The following KIF17 variants were observed in gnomAD, a reference collection of about 807,000 sequenced individuals.
KIF17 encodes the protein kinesin-like protein KIF17.
In KIF17, 80 loss-of-function variants were observed where a neutral mutation model predicts 96.8. That is an observed-to-expected ratio of 0.83 (90% CI 0.69 to 1.00). The LOEUF (loss-of-function observed/expected upper bound fraction) is 1.00. KIF17 is among the 50% of genes least tolerant of loss of function. The pLI is 0.00. For missense variants in KIF17, 1,280 were observed against 1,372.9 expected (o/e 0.93, Z 1.07); for synonymous variants, 567 against 587.5 (o/e 0.97, Z 0.51).
At chr1:20,683,112 C>T (rs183526115) in intron 10 of KIF17, among the ~76,000 whole-genome samples, 24 of 152,286 alleles carry the variant, frequency 1.6e-4, no homozygotes, top group African/African-American at 2.2e-4. Context: ...CAGGTCAGGG[C>T]GGGAATCTTC....
At chr1:20,666,679 T>G (rs1271864092) in intron 13 of KIF17, among the ~76,000 whole-genome samples, 1 of 152,214 alleles carries the variant, frequency 6.6e-6, no homozygotes, top group Non-Finnish European at 1.5e-5. Context: ...GCCCCAAATC[T>G]ATCACGACAT....
chr1:20,670,931 A>G (rs986362034), intron 12 of KIF17, among the ~76,000 whole-genome samples: 2 of 152,184 alleles, frequency 1.3e-5, no homozygotes, highest in Admixed American at 6.5e-5. Flanking sequence ...AAAGAGCCAC[A>G]GCATGTCTGG....
At chr1:20,712,845 TAG>T (rs1557607016) in intron 3 of KIF17, among the ~76,000 whole-genome samples, 29 of 15,848 alleles carry the variant, frequency 1.8e-3, no homozygotes, top group African/African-American at 4.7e-3. Flanking sequence ...ATTATAGATA[TAG>T]ATAATATTAT....
intron 3 of KIF17, among the ~76,000 whole-genome samples, chr1:20,710,997 C>A (rs1036898485): frequency 6.6e-6 from 1 of 151,988 alleles, no homozygotes; most frequent in South Asian, 2.1e-4. Flanking sequence ...TCGGCCCAGG[C>A]GGCAGCTGTG....
intron 2 of KIF17, among the ~76,000 whole-genome samples, chr1:20,714,733 G>T (rs190866629): frequency 6.8e-6 from 1 of 147,628 alleles, no homozygotes; most frequent in Non-Finnish European, 1.5e-5. Context: ...GGAGGCAGAG[G>T]TTGCAGTGAG....
intron 13 of KIF17, among the ~76,000 whole-genome samples, chr1:20,669,468 A>G (rs1332963289): frequency 2.6e-5 from 4 of 151,190 alleles, no homozygotes; most frequent in Admixed American, 6.6e-5. Flanking sequence ...CCTGGGAGGC[A>G]GAGCTTTCAG....
At chr1:20,698,124 G>A (rs568254563) in intron 6 of KIF17, among the ~76,000 whole-genome samples, 19 of 152,298 alleles carry the variant, frequency 1.2e-4, no homozygotes, top group African/African-American at 4.6e-4. Flanking sequence ...ACACCCCTCT[G>A]TTCTCACCAC....
At chr1:20,712,615 T>A (rs1300234969) in intron 3 of KIF17, among the ~76,000 whole-genome samples, 1 of 30,520 alleles carries the variant, frequency 3.3e-5, no homozygotes, top group African/African-American at 9.1e-5. Flanking sequence ...TATATATATA[T>A]AATATAGATA....
chr1:20,690,115 T>G (rs2154536268), intron 7 of KIF17, 73 bp downstream of exon 7: 1 of 1,526,792 alleles, frequency 6.5e-7, no homozygotes, highest in African/African-American at 1.4e-5. Context: ...TGCTCTGTGA[T>G]GCAGTTACTG....
chr1:20,703,460 GT>G (rs2154537130), intron 5 of KIF17, among the ~76,000 whole-genome samples: 1 of 149,562 alleles, frequency 6.7e-6, no homozygotes, highest in African/African-American at 2.5e-5. Context: ...GGAGAGATGG[GT>G]AGATGGGAGG....
chr1:20,688,308 C>G (rs2053977689), intron 7 of KIF17, among the ~76,000 whole-genome samples: 1 of 152,154 alleles, frequency 6.6e-6, no homozygotes, highest in Admixed American at 6.5e-5. Context: ...CTCGGCCTCC[C>G]AAAGTGCTGG....
Position 20,684,932 on chromosome 1 carries a change from A to G in KIF17, c.2108T>C (p.Leu703Pro), listed in dbSNP as rs373137026. The G allele has an allele frequency of 4.9e-5, 79 of 1,599,812 alleles. No individual in the cohort carries two copies. Among genetic ancestry groups the G allele is most frequent in the Non-Finnish European group, 5.6e-5 (66 of 1,173,836 alleles). Residue 703 changes from leucine (L) to proline (P), a missense_variant, in exon 10 of 15, where the codon CTG becomes CCG. Leu to Pro is a moderately conservative substitution (Grantham distance 98). Transcript: ENST00000400463. ...CGGCAGGGGCTCAGGCTGAGCCACCAGGGCCACCGGGGCCTGAGCCTCCAA... is the reference window on the plus strand; with the variant it reads ...CGGCAGGGGCTCAGGCTGAGCCACCGGGGCCACCGGGGCCTGAGCCTCCAA... ...VWLEAQAPVA[L>P]VAQPEPLPAT... is the part of the protein sequence containing the mutation.
chr1:20,683,757 A>G (rs1298339979), intron 10 of KIF17, among the ~76,000 whole-genome samples: 3 of 152,018 alleles, frequency 2.0e-5, no homozygotes, highest in Non-Finnish European at 4.4e-5. Flanking sequence ...TCTCCCCTGC[A>G]CCCCACTCTG....
chr1:20,707,813 G>GTGTGTGTGTGTT (rs2054369556), intron 4 of KIF17, among the ~76,000 whole-genome samples: 1 of 146,420 alleles, frequency 6.8e-6, no homozygotes, highest in African/African-American at 2.5e-5. Flanking sequence ...GTGTGTGTGT[G>GTGTGTGTGTGTT]TGTGTGTGTG....
intron 3 of KIF17, among the ~76,000 whole-genome samples, chr1:20,712,023 A>G (rs1420928103): frequency 1.3e-5 from 2 of 152,148 alleles, no homozygotes; most frequent in Non-Finnish European, 2.9e-5. Flanking sequence ...TGTTTCAGCA[A>G]GCGCATCTGT....
rs892715116 is a variant in KIF17 at position 20,699,390 on chromosome 1, C to T, written c.1124-902G>A. Among the ~76,000 whole-genome samples the T allele has an allele frequency of 4.0e-5, 6 of 150,834 alleles. 1 individual carries two copies. Among genetic ancestry groups the T allele is most frequent in the African/African-American group, 1.5e-4 (6 of 40,234 alleles). ...CAGCCAACAGCCAACATAGTAAAACCCCGTCTCTACCAAAAAAATACAAAA... is the reference window on the plus strand; with the variant it reads ...CAGCCAACAGCCAACATAGTAAAACTCCGTCTCTACCAAAAAAATACAAAA... On this transcript the variant is annotated intron_variant, in intron 5 of 14. Coordinates refer to ENST00000400463, the MANE Select transcript of KIF17 (RefSeq NM_001122819.3). This position sits in a 1 kb window ranked among gnomAD's most constrained non-coding sequence, Gnocchi z 4.3.
rs142251498 is a variant in KIF17 at position 20,687,439 on chromosome 1, G to A, written c.1887C>T (p.Thr629=). Residue 629 remains threonine, a synonymous_variant, in exon 8 of 15, where the codon ACC becomes ACT. Coordinates refer to ENST00000400463, the MANE Select transcript of KIF17 (RefSeq NM_001122819.3). The surrounding 1 kb of genome is among the most constrained non-coding windows in gnomAD (Gnocchi z 4.4). ...CCTGGGGTGCATCTGTCCTGGCCAC[G>A]GTGGAGGAGAGTCTGGCCAGCTTGG... ...VEAKLARLSS[T]VARTDAPQAD... 2.9e-5 allele frequency: 46 copies of A among 1,613,830 alleles called. No individual in the cohort carries two copies. The highest frequency in any genetic ancestry group is 2.0e-4 in the East Asian group (9 of 44,880).
In KIF17 at chr1:20,700,779, G is replaced by A. The variant is rs1235827306; in HGVS notation, c.1124-2291C>T. On this transcript the variant is annotated intron_variant, in intron 5 of 14. Transcript: ENST00000400463. This position sits in a 1 kb window ranked among gnomAD's most constrained non-coding sequence, Gnocchi z 4.6. ...TTTGGTATATAAACCAGCCGAACCCGAGTCCACACCCCAAGCCACCTGCTG... is the reference window on the plus strand; with the variant it reads ...TTTGGTATATAAACCAGCCGAACCCAAGTCCACACCCCAAGCCACCTGCTG... 2.0e-5 allele frequency among the ~76,000 whole-genome samples: 3 copies of A among 151,682 alleles called. No individual in the cohort carries two copies. The highest frequency in any genetic ancestry group is 4.4e-5 in the Non-Finnish European group (3 of 67,940).
At chr1:20,665,219 C>CTTTTTTT (rs59635021) in intron 14 of KIF17, among the ~76,000 whole-genome samples, 2 of 61,258 alleles carry the variant, frequency 3.3e-5, no homozygotes, top group African/African-American at 7.9e-5. Flanking sequence ...CAAATTTGCT[C>CTTTTTTT]TTTTTTTTTT....
Sources: allele counts gnomAD v4.1 joint callset (sites outside exome capture counted in the v4.1 genomes callset), GRCh38; gene constraint gnomAD v4.1.1; non-coding constraint Gnocchi (gnomAD v3.1); transcripts MANE v1.5; gene names NCBI Gene and HGNC (gene_info 2026-07-23, HGNC 2026-07-21).